TRPC5: variants seen among roughly 807,000 people sequenced by gnomAD.
TRPC5 encodes the protein transient receptor potential cation channel subfamily C member 5.
Under a neutral mutation model 56.5 loss-of-function variants are expected in TRPC5, and 9 were observed. That is an observed-to-expected ratio of 0.16 (90% CI 0.10 to 0.28). The LOEUF is 0.28. Ranked by LOEUF, TRPC5 falls within the 10% of genes least tolerant of loss-of-function variation. The pLI is 1.00. For synonymous variants in TRPC5, 282 were observed against 278.5 expected, an observed-to-expected ratio of 1.01 and a Z score of -0.13; for missense variants, 469 against 748.9, an observed-to-expected ratio of 0.63 and a Z score of 4.36.
At chrX:111,836,727 G>A (rs1464391899) in intron 6 of TRPC5, among the ~76,000 whole-genome samples, 2 of 112,598 alleles carry the variant, frequency 1.8e-5, no homozygotes, top group Non-Finnish European at 3.7e-5. Context: ...CAGAGACATA[G>A]CTGCTAGGTA....
intron 1 of TRPC5, among the ~76,000 whole-genome samples, chrX:112,038,101 C>T (rs1455420679): frequency 9.0e-6 from 1 of 111,462 alleles, no homozygotes; most frequent in Non-Finnish European, 1.9e-5. Flanking sequence ...AAATCATAGT[C>T]TTCCACCAAG....
chrX:111,825,909 CCCTT>C (rs1007844565), intron 7 of TRPC5, among the ~76,000 whole-genome samples: 4 of 111,990 alleles, frequency 3.6e-5, no homozygotes, highest in Non-Finnish European at 5.6e-5. Flanking sequence ...TCTAGCTTCT[CCCTT>C]CCTCCTACCA....
chrX:111,831,081 C>A (rs1306989051), intron 7 of TRPC5, among the ~76,000 whole-genome samples: 1 of 112,143 alleles, frequency 8.9e-6, no homozygotes, highest in Non-Finnish European at 1.9e-5. Context: ...GTTTAAAAAA[C>A]CAATCAATCC....
At chrX:112,014,793 C>T (rs1377678305) in intron 1 of TRPC5, among the ~76,000 whole-genome samples, 2 of 111,673 alleles carry the variant, frequency 1.8e-5, no homozygotes, top group Admixed American at 9.6e-5. Flanking sequence ...CAGATGACAT[C>T]CTCCCCTATA....
At chrX:112,061,959 G>A (rs1930469530) in intron 1 of TRPC5, among the ~76,000 whole-genome samples, 1 of 111,743 alleles carries the variant, frequency 8.9e-6, no homozygotes, top group Non-Finnish European at 1.9e-5. Flanking sequence ...TGATATAATG[G>A]TTTGATTTTC....
chrX:111,771,998 T>A lies in TRPC5; in HGVS notation c.*4315A>T, dbSNP rs901860866. Among the ~76,000 whole-genome samples the A allele has an allele frequency of 1.8e-5, 2 of 111,434 alleles. No individual in the cohort carries two copies. Among genetic ancestry groups the A allele is most frequent in the Non-Finnish European group, 3.8e-5 (2 of 53,113 alleles). On this transcript the variant is annotated 3_prime_UTR_variant, in exon 11 of 11. Transcript: ENST00000262839. ...AACCATCAAATGCTGTTAAGTTTTG[T>A]TATGTGTGTCTATGTATATACACAG...
intron 6 of TRPC5, among the ~76,000 whole-genome samples, chrX:111,840,076 A>C (rs907821527): frequency 3.6e-5 from 4 of 112,474 alleles, no homozygotes; most frequent in Admixed American, 9.4e-5. Flanking sequence ...AGGTTGAGGC[A>C]GGAGAATGGT....
chrX:111,831,176 G>A (rs541347204), intron 7 of TRPC5, among the ~76,000 whole-genome samples: 20 of 112,398 alleles, frequency 1.8e-4, no homozygotes, highest in East Asian at 5.6e-4. Context: ...CTGGATTGTC[G>A]GGAGGTCTGG....
intron 1 of TRPC5, among the ~76,000 whole-genome samples, chrX:112,081,624 A>G (rs999148860): frequency 4.5e-5 from 5 of 111,565 alleles, no homozygotes; most frequent in Non-Finnish European, 7.5e-5. Flanking sequence ...TCCCAGTGAA[A>G]GGATGTTTTT....
At chrX:111,904,265 ACATATCTGG>A (rs780167686) in intron 3 of TRPC5, among the ~76,000 whole-genome samples, 1 of 112,538 alleles carries the variant, frequency 8.9e-6, no homozygotes, top group African/African-American at 3.2e-5. Context: ...CTTTGGCATG[ACATATCTGG>A]CATTGAGACA....
At chrX:111,926,275 C>T (rs1926256232) in intron 2 of TRPC5, among the ~76,000 whole-genome samples, 2 of 111,753 alleles carry the variant, frequency 1.8e-5, no homozygotes, top group Admixed American at 9.5e-5. Context: ...AGTAAGAATG[C>T]CCCTCCCTTT....
chrX:112,048,395 G>A lies in TRPC5; in HGVS notation c.-22+33484C>T, dbSNP rs1367052860. On this transcript the variant is annotated intron_variant, in intron 1 of 10. Coordinates refer to ENST00000262839, the MANE Select transcript of TRPC5 (RefSeq NM_012471.3). ...CAGCCTGGCGACAGAGCAAGACTCC[G>A]TATCAAAAAAAAAAAAAAAAAAAAA... is the stretch of plus-strand genomic sequence containing the variant. Among the ~76,000 whole-genome samples the A allele has an allele frequency of 6.9e-5, 3 of 43,515 alleles. No homozygotes were observed. The East Asian group carries it at 1.7e-3, about 24-fold the overall frequency. The allele number at this position is 43,515 out of a possible 115,157, so 37.8% of individuals were successfully genotyped here.
intron 2 of TRPC5, among the ~76,000 whole-genome samples, chrX:111,916,482 G>A (rs976591239): frequency 8.9e-6 from 1 of 111,855 alleles, no homozygotes; most frequent in South Asian, 3.8e-4. Flanking sequence ...CAGAGACCAC[G>A]GACTATCATC....
Position 111,769,059 on chromosome X carries a change from A to C in TRPC5, c.*7254T>G, listed in dbSNP as rs1405873541. Among the ~76,000 whole-genome samples, 1 of 111,910 alleles carries C rather than the reference A, an allele frequency of 8.9e-6. No homozygotes were observed. The highest frequency in any genetic ancestry group is 1.9e-5 in the Non-Finnish European group (1 of 53,119). ...TGTGACTTTCAAATGACCTGAACAC[A>C]TTCAGCTAGCTAGCTGCCATCTTCC... On this transcript the variant is annotated 3_prime_UTR_variant, in exon 11 of 11. Transcript: ENST00000262839.
rs142526665 is a variant in TRPC5, at chrX:112,065,628, C to T, written c.-22+16251G>A. ...TGATGGGGCCAGGCCCAGTGGCTCACGCCTGTAATCCTAGCACTTTGGGAG... is the reference window on the plus strand; with the variant it reads ...TGATGGGGCCAGGCCCAGTGGCTCATGCCTGTAATCCTAGCACTTTGGGAG... On this transcript the variant is annotated intron_variant, in intron 1 of 10. Transcript: ENST00000262839. 9.7e-3 allele frequency among the ~76,000 whole-genome samples: 1,085 copies of T among 112,154 alleles called. 13 individuals are homozygous for T. The highest frequency in any genetic ancestry group is 0.033 in the African/African-American group (1,025 of 30,851).
chrX:112,042,571 T>G (rs936500390), intron 1 of TRPC5, among the ~76,000 whole-genome samples: 2 of 111,518 alleles, frequency 1.8e-5, no homozygotes. Context: ...TCTGATCCTT[T>G]GTAGCTTACC....
At chrX:111,788,778 A>G (rs1161099178) in intron 7 of TRPC5, among the ~76,000 whole-genome samples, 1 of 108,613 alleles carries the variant, frequency 9.2e-6, no homozygotes, top group African/African-American at 3.6e-5. Context: ...TAACAGACAA[A>G]CAGAGAGCCA....
chrX:112,065,113 C>T (rs906884268), intron 1 of TRPC5, among the ~76,000 whole-genome samples: 1 of 109,472 alleles, frequency 9.1e-6, no homozygotes, highest in Non-Finnish European at 1.9e-5. Context: ...TATTTTCATT[C>T]ACACATTCAC....
At position 111,782,158 on chromosome X, in the gene TRPC5, T is replaced by A. The variant is rs1414890721; in HGVS notation, c.1897-20A>T. 1.7e-6 allele frequency: 2 copies of A among 1,181,953 alleles called. No homozygotes were observed. The highest frequency in any genetic ancestry group is 2.3e-6 in the Non-Finnish European group (2 of 877,402). ...ATGATCCTATGAAAGATAATGAAGT[T>A]CAAGGATTTGGGATGGGAAACTGCA... On this transcript the variant is annotated intron_variant, in intron 7 of 10. Coordinates refer to ENST00000262839, the MANE Select transcript of TRPC5 (RefSeq NM_012471.3).
Sources: allele counts gnomAD v4.1 joint callset (sites outside exome capture counted in the v4.1 genomes callset), GRCh38; gene constraint gnomAD v4.1.1; transcripts MANE v1.5; gene names NCBI Gene and HGNC (gene_info 2026-07-23, HGNC 2026-07-21).